Variants in ATP2C2 observed in about 807,000 individuals in gnomAD.
ATP2C2 encodes the protein calcium-transporting ATPase type 2C member 2.
In ATP2C2, 171 loss-of-function variants were observed where a neutral mutation model predicts 110.8. The ratio of observed to expected loss-of-function variants is 1.54; its 90% CI spans 1.36 to 1.75. The LOEUF is 1.75. ATP2C2 is among the 40% of genes most tolerant of loss of function. ATP2C2 has a pLI of 0.00. For synonymous variants in ATP2C2, 804 were observed against 508.4 expected (o/e 1.58, Z -7.82); for missense variants, 1,963 against 1,235.0 (o/e 1.59, Z -8.84).
intron 1 of ATP2C2, among the ~76,000 whole-genome samples, chr16:84,375,264 C>T (rs548884762): frequency 3.3e-5 from 5 of 152,242 alleles, no homozygotes; most frequent in South Asian, 4.2e-4. Flanking sequence ...AAACACGGCC[C>T]GGCGCAGTGG....
chr16:84,423,584 C>T (rs761420258), intron 10 of ATP2C2, among the ~76,000 whole-genome samples: 3 of 152,192 alleles, frequency 2.0e-5, no homozygotes, highest in South Asian at 2.1e-4. Context: ...TGACTTGGGC[C>T]CAGGCCCCTG....
intron 6 of ATP2C2, among the ~76,000 whole-genome samples, chr16:84,412,311 T>C (rs1470916980): frequency 6.6e-5 from 8 of 120,670 alleles, no homozygotes; most frequent in African/African-American, 2.2e-4. Flanking sequence ...TGAGCATGTC[T>C]GCACGTGTGT....
intron 1 of ATP2C2, among the ~76,000 whole-genome samples, chr16:84,393,039 G>T (rs975031795): frequency 1.3e-5 from 2 of 152,162 alleles, no homozygotes; most frequent in African/African-American, 4.8e-5. Flanking sequence ...CAGCTTCAAG[G>T]TGGGCCATTC....
intron 15 of ATP2C2, among the ~76,000 whole-genome samples, chr16:84,443,903 G>C (rs1370984297): frequency 3.9e-5 from 6 of 152,202 alleles, no homozygotes; most frequent in Admixed American, 3.9e-4. Context: ...GCTGAGTGCA[G>C]TGGCTCAAAT....
intron 2 of ATP2C2, among the ~76,000 whole-genome samples, chr16:84,404,257 CAG>C (rs1905553331): frequency 6.6e-6 from 1 of 152,226 alleles, no homozygotes; most frequent in Non-Finnish European, 1.5e-5. Context: ...TTAAGACCCA[CAG>C]TCAGCAAAGC....
intron 20 of ATP2C2, among the ~76,000 whole-genome samples, 154 bp from the exon 21 acceptor site, chr16:84,454,664 G>T (rs377025228): frequency 6.6e-6 from 1 of 152,180 alleles, no homozygotes; most frequent in Non-Finnish European, 1.5e-5. Flanking sequence ...TCAAGGGCTC[G>T]CCCAATTCCC....
At chr16:84,368,811 T>A (rs72804628) in intron 1 of ATP2C2, 97 bp downstream of exon 1, 117,011 of 1,050,792 alleles carry the variant, frequency 0.11, 6,827 homozygotes, top group Non-Finnish European at 0.12. Flanking sequence ...CGCGCTGCGA[T>A]CCGCGAACTC....
At position 84,451,858 on chromosome 16, in the gene ATP2C2, A is replaced by G. The variant is rs561933854; in HGVS notation, c.1661-63A>G. ...TCTTAAAAAACAACAACAACAACCAACAACAAAAAACGACGGCCCCTAAGC... is the reference window on the plus strand; with the variant it reads ...TCTTAAAAAACAACAACAACAACCAGCAACAAAAAACGACGGCCCCTAAGC... On this transcript the variant is annotated intron_variant, in intron 17 of 26. Coordinates refer to ENST00000262429, the MANE Select transcript of ATP2C2 (RefSeq NM_014861.4). 192 of 1,489,104 alleles carry G rather than the reference A, an allele frequency of 1.3e-4. No individual in the cohort carries two copies. The African/African-American group carries it at 2.6e-3, about 20-fold the overall frequency. 92.2% of individuals were successfully genotyped at this position (1,489,104 alleles called of 1,614,324 possible). A position where few individuals can be genotyped will look rare whatever the true frequency, so the allele number is the denominator to read the frequency against.
chr16:84,449,318 C>T (rs376133115), intron 17 of ATP2C2, among the ~76,000 whole-genome samples: 5 of 152,204 alleles, frequency 3.3e-5, no homozygotes, highest in Admixed American at 2.6e-4. Context: ...GTGTACGGGG[C>T]GAGACCCTTG....
intron 1 of ATP2C2, among the ~76,000 whole-genome samples, chr16:84,378,074 G>A (rs1196708116): frequency 2.0e-5 from 3 of 152,198 alleles, no homozygotes; most frequent in African/African-American, 4.8e-5. Context: ...CAAGATCTGC[G>A]ATTCCAGAGA....
chr16:84,417,275 T>G (rs1906925733), intron 7 of ATP2C2, among the ~76,000 whole-genome samples: 1 of 152,124 alleles, frequency 6.6e-6, no homozygotes, highest in African/African-American at 2.4e-5. Context: ...CAGTGTGTGT[T>G]GGAAGTCAGA....
At chr16:84,460,325 C>T (rs534664436) in intron 23 of ATP2C2, 28 of 380,150 alleles carry the variant, frequency 7.4e-5, no homozygotes, top group African/African-American at 5.4e-4. Context: ...GAGCCTGGAG[C>T]CTGTTTCTCC....
chr16:84,400,507 T>G (rs561079725), intron 2 of ATP2C2, among the ~76,000 whole-genome samples: 3 of 152,246 alleles, frequency 2.0e-5, no homozygotes, highest in African/African-American at 7.2e-5. Flanking sequence ...TTTTGTATTT[T>G]TAGTAGAGAC....
rs182948185 is a variant in ATP2C2 at position 84,397,983 on chromosome 16, G to A, written c.100-516G>A. 7.7e-3 allele frequency among the ~76,000 whole-genome samples: 1,172 copies of A among 151,924 alleles called. 11 individuals carry two copies. Among genetic ancestry groups the A allele is most frequent in the Non-Finnish European group, 0.012 (820 of 68,008 alleles). ...ATGACAGCAGTTACCCCTCAGGTAGGTAGGTTGGCCAAGGGAGCATCAGGG... is the reference window on the plus strand; with the variant it reads ...ATGACAGCAGTTACCCCTCAGGTAGATAGGTTGGCCAAGGGAGCATCAGGG... On this transcript the variant is annotated intron_variant, in intron 1 of 26. Transcript: ENST00000262429.
intron 7 of ATP2C2, among the ~76,000 whole-genome samples, chr16:84,418,976 A>C (rs62050871): frequency 0.029 from 4,347 of 152,112 alleles, 209 homozygotes; most frequent in African/African-American, 0.099. Flanking sequence ...TGGGAGGCTG[A>C]GGTGGGTGGA....
At position 84,459,165 on chromosome 16, in the gene ATP2C2, C is replaced by T. The variant is rs369870699; in HGVS notation, c.2193C>T (p.Asn731=). ...AGGGTATTTTTTACAACATCAAAAA[C>T]TTTGTCCGATTCCAGCTGAGCACGT... The part of the protein sequence containing the change: ...EGKGIFYNIK[N]FVRFQLSTSI... The change falls in exon 22 of 27, where the codon AAC becomes AAT. Residue 731 remains asparagine (N), a synonymous_variant. Coordinates refer to ENST00000262429, the MANE Select transcript of ATP2C2 (RefSeq NM_014861.4). The T allele has an allele frequency of 2.5e-6, 4 of 1,614,190 alleles. No homozygotes were observed. The highest frequency in any genetic ancestry group is 1.1e-5 in the South Asian group (1 of 91,090).
intron 1 of ATP2C2, among the ~76,000 whole-genome samples, chr16:84,383,477 C>G (rs1376924522): frequency 2.6e-5 from 4 of 152,170 alleles, no homozygotes; most frequent in Non-Finnish European, 5.9e-5. Context: ...GCGGGTTGAA[C>G]CTGAATATAG....
intron 1 of ATP2C2, among the ~76,000 whole-genome samples, chr16:84,398,082 CTG>C (rs1480863835): frequency 3.3e-5 from 5 of 151,598 alleles, no homozygotes; most frequent in Non-Finnish European, 5.9e-5. Flanking sequence ...CATATGCACA[CTG>C]TGTGTGTGTG....
At chr16:84,420,760 T>C (rs182434449) in intron 7 of ATP2C2, among the ~76,000 whole-genome samples, 1 of 152,286 alleles carries the variant, frequency 6.6e-6, no homozygotes, top group East Asian at 1.9e-4. Flanking sequence ...TTGTTGGCTG[T>C]GACAGTTTCT....
Sources: gnomAD v4.1 joint callset for allele counts (sites outside exome capture counted in the v4.1 genomes callset) on GRCh38, gnomAD v4.1.1 for gene constraint, MANE v1.5 for transcripts, NCBI Gene and HGNC (gene_info 2026-07-23, HGNC 2026-07-21) for gene names.